GRIP2: variants seen among roughly 807,000 people sequenced by gnomAD.
GRIP2 encodes glutamate receptor interacting protein 2, also known as glutamate receptor-interacting protein 2.
GRIP2 carries 58 observed loss-of-function variants against 108.3 expected under a neutral mutation model. That is an observed-to-expected ratio of 0.54 (90% confidence interval 0.43 to 0.67). GRIP2 has a LOEUF of 0.67. Ranked by LOEUF, GRIP2 falls within the 30% of genes least tolerant of loss-of-function variation. The pLI, the probability that GRIP2 is intolerant of heterozygous loss-of-function variation, is 0.00. For synonymous variants in GRIP2, 586 were observed against 598.2 expected (o/e 0.98, Z 0.30); for missense variants, 1,278 against 1,430.6 (o/e 0.89, Z 1.72).
At chr3:14,496,743 CT>C (rs1693616781) in intron 21 of GRIP2, among the ~76,000 whole-genome samples, 183 bp from the exon 22 acceptor site, 1 of 152,218 alleles carries the variant, frequency 6.6e-6, no homozygotes, top group African/African-American at 2.4e-5. Context: ...ACCAATCACA[CT>C]AACAATGAGA....
At chr3:14,516,566 T>C (rs1490970733) in intron 11 of GRIP2, among the ~76,000 whole-genome samples, 1 of 152,204 alleles carries the variant, frequency 6.6e-6, no homozygotes, top group African/African-American at 2.4e-5. Flanking sequence ...AAGGGCAATT[T>C]TGAACAATAA....
At chr3:14,497,329 T>C (rs1456437384) in intron 21 of GRIP2, among the ~76,000 whole-genome samples, 1 of 152,110 alleles carries the variant, frequency 6.6e-6, no homozygotes, top group Non-Finnish European at 1.5e-5. Context: ...TAAGATAAAA[T>C]TATGCACTGC....
At chr3:14,561,599 C>T in the GRIP2 span, among the ~76,000 whole-genome samples, 1 of 152,234 alleles carries the variant, frequency 6.6e-6, no homozygotes, top group Non-Finnish European at 1.5e-5. Flanking sequence ...CCAGCCTCCA[C>T]CAATGCTGCT....
Position 14,495,616 on chromosome 3 carries a change from A to G in GRIP2, c.2824-627T>C, listed in dbSNP as rs185785308. Among the ~76,000 whole-genome samples, 5 of 152,192 alleles carry G rather than the reference A, an allele frequency of 3.3e-5. No homozygotes were observed. The East Asian group carries it at 9.7e-4, about 30-fold the overall frequency. On this transcript the variant is annotated intron_variant, in intron 22 of 23. Coordinates refer to ENST00000621039, the MANE Select transcript of GRIP2 (RefSeq NM_001080423.4). ...GAGGCAGGGTTTCACCATGTTGGCCAGGATAGTTTTGATCTCTTGACCTCG... is the reference window on the plus strand; with the variant it reads ...GAGGCAGGGTTTCACCATGTTGGCCGGGATAGTTTTGATCTCTTGACCTCG...
chr3:14,499,553 C>CA (rs71038412), intron 21 of GRIP2, among the ~76,000 whole-genome samples: 99 of 146,706 alleles, frequency 6.7e-4, no homozygotes, highest in Middle Eastern at 3.4e-3. Flanking sequence ...CTGTCTCTAC[C>CA]AAAAAAAAGA....
chr3:14,569,143 C>T, the GRIP2 span, among the ~76,000 whole-genome samples: 1 of 152,200 alleles, frequency 6.6e-6, no homozygotes, highest in Admixed American at 6.5e-5. Context: ...GCTTTGCCTC[C>T]CACCCACTTT....
upstream of GRIP2, chr3:14,540,382 A>G (rs201360805): frequency 6.2e-6 from 10 of 1,610,322 alleles, no homozygotes; most frequent in South Asian, 1.0e-4. The surrounding 1 kb of genome is among the most constrained non-coding windows in gnomAD (Gnocchi z 4.1). Context: ...TCCCCTCCCC[A>G]GGGAGGGGCT....
chr3:14,517,788 G>A lies in GRIP2; in HGVS notation c.1140C>T (p.Gly380=). The part of the protein sequence containing the change: ...CRMPTWATPA[G]QDQSRSLSST... ...GCACATTACATCGGCTTTGGTCCTG[G>A]CCAGCAGGTGTGGCCCAGGTGGGCA... Residue 380 remains glycine (G), a synonymous_variant, in exon 10 of 24, where the codon GGC becomes GGT. Transcript: ENST00000621039. The A allele has an allele frequency of 6.2e-7, 1 of 1,609,366 alleles. No individual in the cohort carries two copies. The highest frequency in any genetic ancestry group is 8.5e-7 in the Non-Finnish European group (1 of 1,178,352).
intron 20 of GRIP2, 109 bp from the exon 21 acceptor site, chr3:14,503,780 A>G (rs939828137): frequency 4.8e-4 from 2 of 4,128 alleles, no homozygotes; most frequent in Non-Finnish European, 8.9e-4. Flanking sequence ...GAGGGGCCAT[A>G]GGGTGGGTGG....
intron 9 of GRIP2, among the ~76,000 whole-genome samples, chr3:14,518,975 G>A (rs1423056609): frequency 2.6e-5 from 4 of 152,214 alleles, no homozygotes; most frequent in East Asian, 1.9e-4. Flanking sequence ...GGGGTTGTAC[G>A]CAGATGTGTA....
At chr3:14,572,623 A>AT in the GRIP2 span, among the ~76,000 whole-genome samples, 1 of 148,642 alleles carries the variant, frequency 6.7e-6, no homozygotes, top group Non-Finnish European at 1.5e-5. Flanking sequence ...AAAAAAAAAA[A>AT]AAAAAAAAAG....
At chr3:14,560,187 G>T (rs1315179862), upstream of GRIP2, among the ~76,000 whole-genome samples, 1 of 152,084 alleles carries the variant, frequency 6.6e-6, no homozygotes, top group Non-Finnish European at 1.5e-5. Context: ...CCAGGAGTTT[G>T]AGGCTGCAGT....
At chr3:14,564,274 C>T in the GRIP2 span, among the ~76,000 whole-genome samples, 1 of 152,266 alleles carries the variant, frequency 6.6e-6, no homozygotes, top group South Asian at 2.1e-4. Flanking sequence ...GCACCATTCA[C>T]AAGTACGCAG....
At chr3:14,494,818 T>C in intron 23 of GRIP2, 25 bp downstream of exon 23, 1 of 1,603,124 alleles carries the variant, frequency 6.2e-7, no homozygotes, top group South Asian at 1.1e-5. Flanking sequence ...CCACCCCCAC[T>C]ATGGAGCCCC....
At position 14,511,461 on chromosome 3, in the gene GRIP2, C is replaced by T; in HGVS notation, c.1739G>A (p.Gly580Glu). Residue 580 changes from glycine (G) to glutamate (E), a missense_variant, in exon 15 of 24, where the codon GGG (glycine) becomes GAG (glutamate). By Grantham distance (98) the Gly-to-Glu change is moderately conservative. Transcript: ENST00000621039. This position sits in a 1 kb window ranked among gnomAD's most constrained non-coding sequence, Gnocchi z 4.1. ...ITISSASRKR[G>E]EPLIISDIKK... Reference sequence around the variant, plus strand: ...GATGTCGGAGATGATCAAGGGCTCCCCTCGTTTCCTGCTGGCCGCTGGAGA... The same window carrying T: ...GATGTCGGAGATGATCAAGGGCTCCTCTCGTTTCCTGCTGGCCGCTGGAGA... 1 of 1,613,614 alleles carries T rather than the reference C, an allele frequency of 6.2e-7. No individual in the cohort carries two copies. The highest frequency in any genetic ancestry group is 2.2e-5 in the East Asian group (1 of 44,882).
At chr3:14,600,924 A>C in the GRIP2 span, among the ~76,000 whole-genome samples, 1 of 152,162 alleles carries the variant, frequency 6.6e-6, no homozygotes, top group Non-Finnish European at 1.5e-5. Flanking sequence ...AGATGTGTTC[A>C]GTGTGGGCAA....
chr3:14,529,425 G>A (rs1694652940), intron 1 of GRIP2, among the ~76,000 whole-genome samples: 1 of 152,002 alleles, frequency 6.6e-6, no homozygotes, highest in Non-Finnish European at 1.5e-5. Context: ...CAAATCCTGG[G>A]CATAATGCAA....
In GRIP2 at chr3:14,511,355, G is replaced by T; in HGVS notation, c.1788-45C>A. Reference sequence around the variant, plus strand: ...AGGGGATGGAAGGAGCCTGGTGCATGCAGGTGCCATACTCACTGCTGTTGG... The same window carrying T: ...AGGGGATGGAAGGAGCCTGGTGCATTCAGGTGCCATACTCACTGCTGTTGG... On this transcript the variant is annotated intron_variant, in intron 15 of 23. Transcript: ENST00000621039. This position sits in a 1 kb window ranked among gnomAD's most constrained non-coding sequence, Gnocchi z 4.1. 1 of 1,613,988 alleles carries T rather than the reference G, an allele frequency of 6.2e-7. No individual in the cohort carries two copies. Among genetic ancestry groups the T allele is most frequent in the South Asian group, 1.1e-5 (1 of 91,078 alleles).
At chr3:14,530,313 A>G (rs1321688010) in intron 1 of GRIP2, among the ~76,000 whole-genome samples, 1 of 152,228 alleles carries the variant, frequency 6.6e-6, no homozygotes, top group Non-Finnish European at 1.5e-5. Flanking sequence ...TTCGGCTACC[A>G]GACGCACAAA....
Sources: allele counts gnomAD v4.1 joint callset (sites outside exome capture counted in the v4.1 genomes callset), GRCh38; gene constraint gnomAD v4.1.1; non-coding constraint Gnocchi (gnomAD v3.1); transcripts MANE v1.5; gene names NCBI Gene and HGNC (gene_info 2026-07-23, HGNC 2026-07-21).